Variants in TCF12 observed in about 807,000 individuals in gnomAD.
TCF12 encodes the protein DNA-binding protein HTF4.
Under a neutral mutation model 86.0 loss-of-function variants are expected in TCF12, and 45 were observed. That is an observed-to-expected ratio of 0.52 (90% CI 0.41 to 0.67). TCF12 has a LOEUF of 0.67. TCF12 is among the 30% of genes least tolerant of loss of function. The probability of loss-of-function intolerance (pLI) is 0.00; values close to 1 mark genes in which losing one functional copy is unlikely to be tolerated. For synonymous variants in TCF12, 330 were observed against 299.6 expected (o/e 1.10, Z -1.05); for missense variants, 881 against 859.9 (o/e 1.02, Z -0.31).
intron 5 of TCF12, among the ~76,000 whole-genome samples, chr15:57,097,672 T>A (rs1471309978): frequency 6.6e-6 from 1 of 152,206 alleles, no homozygotes; most frequent in Non-Finnish European, 1.5e-5. Context: ...GGCCTTTTAC[T>A]TTTTCCAGTG....
In TCF12 at chr15:57,007,978, GCT is replaced by G. The variant is rs1205713295; in HGVS notation, c.149-55759_149-55758del. Among the ~76,000 whole-genome samples the G allele has an allele frequency of 3.6e-3, 442 of 123,146 alleles. 4 individuals are homozygous for G. The highest frequency in any genetic ancestry group is 0.013 in the African/African-American group (418 of 32,826). The allele number at this position is 123,146 out of a possible 152,430, so 80.8% of individuals were successfully genotyped here. A position where few individuals can be genotyped will look rare whatever the true frequency, so the allele number is the denominator to read the frequency against. On this transcript the variant is annotated intron_variant, in intron 3 of 20. Coordinates refer to ENST00000333725, the MANE Select transcript of TCF12 (RefSeq NM_207037.2). ...TTCTCTCTGTCTCTCTCTCTCTCTC[GCT>G]CTCTCTCTCTCTTTCTCTCACTGGA...
chr15:56,982,244 G>A (rs1385389432), intron 3 of TCF12, among the ~76,000 whole-genome samples: 1 of 152,166 alleles, frequency 6.6e-6, no homozygotes, highest in Non-Finnish European at 1.5e-5. Context: ...AAGAGTGACT[G>A]TGATGAATAA....
chr15:57,166,362 A>G (rs1289433849), intron 5 of TCF12, 40 bp from the exon 6 acceptor site: 4 of 1,546,600 alleles, frequency 2.6e-6, no homozygotes, highest in Middle Eastern at 1.7e-4. Flanking sequence ...CTGTCAATAA[A>G]TGAAGGGTTT....
intron 5 of TCF12, among the ~76,000 whole-genome samples, chr15:57,152,275 A>C (rs2053817403): frequency 6.6e-6 from 1 of 152,252 alleles, no homozygotes; most frequent in Admixed American, 6.5e-5. Context: ...ACACATAAGC[A>C]AGAGAAAAAC....
chr15:57,257,616 A>G (rs143979373), intron 16 of TCF12, among the ~76,000 whole-genome samples: 3,624 of 151,468 alleles, frequency 0.024, 53 homozygotes, highest in Non-Finnish European at 0.037. Context: ...AGCCATGATC[A>G]TGCCACTGCA....
intron 13 of TCF12, chr15:57,246,880 G>T: frequency 4.6e-6 from 2 of 431,870 alleles, no homozygotes; most frequent in Non-Finnish European, 9.1e-6. Flanking sequence ...TCGGACAACT[G>T]TCTCAAAGTA....
intron 18 of TCF12, among the ~76,000 whole-genome samples, chr15:57,266,200 C>T (rs1230587347): frequency 1.3e-5 from 2 of 151,956 alleles, no homozygotes; most frequent in Non-Finnish European, 2.9e-5. Context: ...GCCTCAGCCT[C>T]CCAAGTAGCT....
chr15:57,198,573 T>C (rs1480382315), intron 8 of TCF12, among the ~76,000 whole-genome samples: 2 of 152,208 alleles, frequency 1.3e-5, no homozygotes, highest in Non-Finnish European at 2.9e-5. Context: ...TAAAAGTACT[T>C]GTAAAGGAAC....
intron 16 of TCF12, among the ~76,000 whole-genome samples, chr15:57,254,033 T>A (rs2060235146): frequency 6.6e-6 from 1 of 152,234 alleles, no homozygotes; most frequent in Admixed American, 6.5e-5. Context: ...GGGTGTTCGT[T>A]CTACAGCCAT....
chr15:57,007,898 CT>C (rs1249969542), intron 3 of TCF12, among the ~76,000 whole-genome samples: 7 of 77,296 alleles, frequency 9.1e-5, no homozygotes, highest in Admixed American at 1.6e-4. Context: ...TCCTTCCTTC[CT>C]TCCTTCCTTC....
rs557701700 is a variant in TCF12 at position 57,247,577 on chromosome 15, A to G, written c.1115-3773A>G. The G allele has an allele frequency of 2.0e-5, 17 of 869,410 alleles. 1 individual carries two copies. The East Asian group carries it at 3.9e-4, about 20-fold the overall frequency. The allele number at this position is 869,410 out of a possible 1,614,324, so 53.9% of individuals were successfully genotyped here. ...CTTTTTTCCACTCTGCCTGTCTTCCATAACTTCTGCGGTTTCAATCTTGCC... is the reference window on the plus strand; with the variant it reads ...CTTTTTTCCACTCTGCCTGTCTTCCGTAACTTCTGCGGTTTCAATCTTGCC... On this transcript the variant is annotated intron_variant, in intron 13 of 20. Transcript: ENST00000333725.
rs2061940319 is a variant in TCF12, at chr15:57,286,575, C to T, written c.*430C>T. ...GAAAAAGTTAATGTGGAAAGCTGAT[C>T]TACACTCAGCTGATGCCAGCATACA... On this transcript the variant is annotated 3_prime_UTR_variant, in exon 21 of 21. Transcript: ENST00000333725. 2.2e-6 allele frequency: 1 copy of T among 453,320 alleles called. No individual in the cohort carries two copies. 28.1% of individuals were successfully genotyped at this position (453,320 alleles called of 1,614,324 possible). A position where few individuals can be genotyped will look rare whatever the true frequency, so the allele number is the denominator to read the frequency against.
intron 5 of TCF12, among the ~76,000 whole-genome samples, chr15:57,125,294 T>C (rs1190274434): frequency 6.6e-6 from 1 of 152,244 alleles, no homozygotes; most frequent in Non-Finnish European, 1.5e-5. Context: ...GAAAATAAAA[T>C]GTTGACTAAA....
In TCF12 at chr15:57,075,843, C is replaced by CTCTCTCT. The variant is rs2069954724; in HGVS notation, c.222+12021_222+12022insCTCTCTT. On this transcript the variant is annotated intron_variant, in intron 4 of 20. Transcript: ENST00000333725. ...CTCTCTCTCTCTCTCTCTTTTCTTTCTTTCTTTCTTTCTTTCTTTCCATTC... is the reference window on the plus strand; with the variant it reads ...CTCTCTCTCTCTCTCTCTTTTCTTTCTCTCTCTTTTCTTTCTTTCTTTCTTTCCATTC... Among the ~76,000 whole-genome samples the CTCTCTCT allele has an allele frequency of 9.2e-5, 5 of 54,554 alleles. No individual in the cohort carries two copies. The South Asian group carries it at 3.7e-3, about 41-fold the overall frequency. The allele number at this position is 54,554 out of a possible 152,430, so 35.8% of individuals were successfully genotyped here. A position where few individuals can be genotyped will look rare whatever the true frequency, so the allele number is the denominator to read the frequency against.
chr15:57,247,892 T>C, intron 13 of TCF12: 1 of 762,894 alleles, frequency 1.3e-6, no homozygotes. Context: ...AAAATGTCTC[T>C]TAAACTATCA....
chr15:57,023,787 C>A (rs925558807), intron 3 of TCF12, among the ~76,000 whole-genome samples: 46 of 152,178 alleles, frequency 3.0e-4, no homozygotes, highest in African/African-American at 1.0e-3. Context: ...AGGTGCCAAC[C>A]TTTTTGGCAC....
At chr15:57,105,441 CATT>C (rs1408083477) in intron 5 of TCF12, among the ~76,000 whole-genome samples, 6 of 152,022 alleles carry the variant, frequency 3.9e-5, no homozygotes, top group Non-Finnish European at 7.4e-5. Flanking sequence ...GACGGAGTCT[CATT>C]GTGTCACCTA....
Position 57,253,338 on chromosome 15 carries a change from C to G in TCF12, c.1337C>G (p.Ser446Cys). Residue 446 changes from serine (S) to cysteine (C), a missense_variant, in exon 16 of 21, where the codon TCC becomes TGC. Physicochemically the swap from Ser to Cys is moderately radical, Grantham distance 112. Coordinates refer to ENST00000333725, the MANE Select transcript of TCF12 (RefSeq NM_207037.2). ...HVLRNHAVGP[S>C]TSLPAGHSDI... ...CTGCGGAACCATGCTGTGGGACCTT[C>G]CACCAGTTTGCCTGCTGGTCACAGT... 6.2e-7 allele frequency: 1 copy of G among 1,614,048 alleles called. No homozygotes were observed. The highest frequency in any genetic ancestry group is 8.5e-7 in the Non-Finnish European group (1 of 1,179,970).
intron 3 of TCF12, among the ~76,000 whole-genome samples, chr15:57,031,198 T>C (rs1479507532): frequency 2.0e-5 from 3 of 152,252 alleles, no homozygotes; most frequent in Non-Finnish European, 2.9e-5. Flanking sequence ...TTTTAAGTGT[T>C]GTGGGCTACT....
Sources: allele counts gnomAD v4.1 joint callset (sites outside exome capture counted in the v4.1 genomes callset), GRCh38; gene constraint gnomAD v4.1.1; transcripts MANE v1.5; gene names NCBI Gene and HGNC (gene_info 2026-07-23, HGNC 2026-07-21).